MSH4: variants seen among roughly 807,000 people sequenced by gnomAD.
The protein encoded by MSH4 is mutS homolog 4, also known as mutS protein homolog 4.
In MSH4, 106 loss-of-function variants were observed where a neutral mutation model predicts 113.7. The ratio of observed to expected loss-of-function variants is 0.93; its 90% CI spans 0.80 to 1.10. The LOEUF (loss-of-function observed/expected upper bound fraction) is 1.10, where lower values mean the gene tolerates loss of function less well. MSH4 is among the 50% of genes least tolerant of loss of function. The pLI is 0.00. For synonymous variants in MSH4, 368 were observed against 380.2 expected (o/e 0.97, Z 0.37); for missense variants, 1,061 against 1,093.7 (o/e 0.97, Z 0.42).
intron 17 of MSH4, among the ~76,000 whole-genome samples, chr1:75,896,727 A>G (rs1652393013): frequency 6.6e-6 from 1 of 152,152 alleles, no homozygotes; most frequent in Non-Finnish European, 1.5e-5. Context: ...AATTCTTGCA[A>G]CAGATAGGGT....
intron 15 of MSH4, among the ~76,000 whole-genome samples, chr1:75,888,622 A>C (rs1337620649): frequency 6.7e-6 from 1 of 149,672 alleles, no homozygotes; most frequent in African/African-American, 2.5e-5. Context: ...TTTTTAATTT[A>C]TTTTATTTTT....
chr1:75,807,241 G>A (rs1215445511), intron 3 of MSH4, 100 bp downstream of exon 3: 4 of 910,154 alleles, frequency 4.4e-6, no homozygotes, highest in Non-Finnish European at 4.7e-6. Context: ...GTAGAATAAA[G>A]GTTATTCATT....
At chr1:75,827,187 A>C (rs1028307381) in intron 7 of MSH4, among the ~76,000 whole-genome samples, 1 of 152,146 alleles carries the variant, frequency 6.6e-6, no homozygotes, top group Non-Finnish European at 1.5e-5. Context: ...CCAATATTCA[A>C]TATTCTTAAA....
Position 75,837,436 on chromosome 1 carries a change from G to C in MSH4, c.1163-10773G>C, listed in dbSNP as rs965488290. 2.1e-5 allele frequency among the ~76,000 whole-genome samples: 3 copies of C among 143,838 alleles called. No individual in the cohort carries two copies. In the Admixed American group the frequency reaches 2.2e-4, roughly 10 times the overall value. The allele number at this position is 143,838 out of a possible 152,430, so 94.4% of individuals were successfully genotyped here. On this transcript the variant is annotated intron_variant, in intron 7 of 19. Coordinates refer to ENST00000263187, the MANE Select transcript of MSH4 (RefSeq NM_002440.4). ...CGGAGTCTTGCTGTCACCTACCCTG[G>C]AGTGCAATGGTGCAATCTCAGCTCA...
chr1:75,806,914 G>GA, intron 2 of MSH4, 67 bp from the exon 3 acceptor site: 2 of 1,390,040 alleles, frequency 1.4e-6, no homozygotes, highest in Non-Finnish European at 1.9e-6. Context: ...GAATTTCCTA[G>GA]TTTTTTTTAA....
intron 1 of MSH4, among the ~76,000 whole-genome samples, chr1:75,798,967 A>T (rs929150301): frequency 2.0e-5 from 3 of 152,208 alleles, no homozygotes; most frequent in Admixed American, 1.3e-4. Context: ...GTAGACCTGT[A>T]TCTGCAGGTA....
chr1:75,898,601 C>T (rs1416304666), intron 18 of MSH4, among the ~76,000 whole-genome samples: 7 of 151,590 alleles, frequency 4.6e-5, no homozygotes, highest in East Asian at 2.0e-4. Flanking sequence ...TCACTGCAAC[C>T]TCCACCTCCC....
At chr1:75,852,178 A>T (rs1385130096) in intron 8 of MSH4, among the ~76,000 whole-genome samples, 1 of 152,106 alleles carries the variant, frequency 6.6e-6, no homozygotes, top group African/African-American at 2.4e-5. Flanking sequence ...ACTTAGCATA[A>T]CGTTTTCAAG....
At chr1:75,884,987 A>ATATGTGTATATATATGTGTGTGTGTATG in intron 15 of MSH4, among the ~76,000 whole-genome samples, 1 of 145,642 alleles carries the variant, frequency 6.9e-6, no homozygotes, top group Non-Finnish European at 1.5e-5. Context: ...ATGTATATAT[A>ATATGTGTATATATATGTGTGTGTGTATG]TGTGTATATA....
At chr1:75,810,392 C>T (rs186261291) in intron 3 of MSH4, among the ~76,000 whole-genome samples, 243 of 149,348 alleles carry the variant, frequency 1.6e-3, no homozygotes, top group African/African-American at 5.8e-3. Context: ...CATGCACCAC[C>T]ATGCTCGGGT....
intron 1 of MSH4, among the ~76,000 whole-genome samples, chr1:75,801,173 T>G (rs1344294308): frequency 6.6e-6 from 1 of 152,234 alleles, no homozygotes; most frequent in Non-Finnish European, 1.5e-5. Context: ...ATGTATTATC[T>G]ATGACTGCTT....
chr1:75,876,900 G>C (rs760095325), intron 9 of MSH4, 36 bp from the exon 10 acceptor site: 7 of 1,208,594 alleles, frequency 5.8e-6, no homozygotes, highest in Non-Finnish European at 8.1e-6. Context: ...TCTTGTAATT[G>C]ATTATCCTTA....
intron 8 of MSH4, among the ~76,000 whole-genome samples, chr1:75,853,282 C>G (rs1651234138): frequency 1.3e-5 from 2 of 152,128 alleles, no homozygotes; most frequent in South Asian, 4.2e-4. Context: ...TCAGGATGGC[C>G]TCAAACTCCT....
intron 3 of MSH4, among the ~76,000 whole-genome samples, chr1:75,810,222 G>T (rs958411989): frequency 2.6e-5 from 2 of 77,508 alleles, no homozygotes; most frequent in African/African-American, 7.4e-5. Flanking sequence ...TGTTATTGGT[G>T]GTGGTGGTGT....
chr1:75,885,027 ATATGTGTGTGTGTG>A (rs1557523408), intron 15 of MSH4, among the ~76,000 whole-genome samples: 2 of 121,296 alleles, frequency 1.6e-5, no homozygotes, highest in African/African-American at 3.5e-5. Flanking sequence ...GTATATATAT[ATATGTGTGTGTGTG>A]TGTGTGTGTG....
chr1:75,829,400 A>T (rs1025130738), intron 7 of MSH4, among the ~76,000 whole-genome samples: 2 of 152,202 alleles, frequency 1.3e-5, no homozygotes, highest in African/African-American at 4.8e-5. Context: ...ACTTCTGCAG[A>T]CTTAAACATC....
chr1:75,893,025 C>T (rs1652294215), intron 17 of MSH4, among the ~76,000 whole-genome samples: 1 of 152,176 alleles, frequency 6.6e-6, no homozygotes, highest in Admixed American at 6.5e-5. Context: ...CTAGAAACCA[C>T]AGGTGTTTTC....
Position 75,910,031 on chromosome 1 carries a change from G to A in MSH4, c.2620-2665G>A, listed in dbSNP as rs192618610. ...TCTCTTTTGCATCTTTAATATTTTC[G>A]TCACAGGCTTTTCCTTTTTCTAAGA... On this transcript the variant is annotated intron_variant, in intron 19 of 19. Transcript: ENST00000263187. Among the ~76,000 whole-genome samples, 331 of 151,654 alleles carry A rather than the reference G, an allele frequency of 2.2e-3. 1 individual carries two copies. Among genetic ancestry groups the A allele is most frequent in the South Asian group, 0.014 (68 of 4,792 alleles).
At position 75,820,407 on chromosome 1, in the gene MSH4, C is replaced by A. The variant is rs1557495434; in HGVS notation, c.990-2002C>A. 3.3e-5 allele frequency among the ~76,000 whole-genome samples: 5 copies of A among 152,300 alleles called. No individual in the cohort carries two copies. In the South Asian group the frequency reaches 8.3e-4, roughly 25 times the overall value. ...TCAGAAGGAATGGTACCAGCTCCTC[C>A]TTGTATCTCTGGTAGAATTTGGCTG... On this transcript the variant is annotated intron_variant, in intron 6 of 19. Coordinates refer to ENST00000263187, the MANE Select transcript of MSH4 (RefSeq NM_002440.4).
Sources: allele counts gnomAD v4.1 joint callset (sites outside exome capture counted in the v4.1 genomes callset), GRCh38; gene constraint gnomAD v4.1.1; transcripts MANE v1.5; gene names NCBI Gene and HGNC (gene_info 2026-07-23, HGNC 2026-07-21).